The following DNAH8 variants were observed in gnomAD, a reference collection of about 807,000 sequenced individuals.
DNAH8 encodes axonemal beta dynein heavy chain 8.
Under a neutral mutation model 562.1 loss-of-function variants are expected in DNAH8, and 382 were observed. That is an observed-to-expected ratio of 0.68 (90% CI 0.63 to 0.74). The LOEUF (loss-of-function observed/expected upper bound fraction) is 0.74, where lower values mean the gene tolerates loss of function less well. Ranked by LOEUF, DNAH8 falls within the 30% of genes least tolerant of loss-of-function variation. The probability of loss-of-function intolerance (pLI) is 0.00; values close to 1 mark genes in which losing one functional copy is unlikely to be tolerated. For missense variants in DNAH8, 5,203 were observed against 5,620.4 expected (o/e 0.93, Z 2.37); for synonymous variants, 1,881 against 1,919.4 (o/e 0.98, Z 0.52).
At chr6:38,855,104 A>G (rs1439939934) in intron 41 of DNAH8, among the ~76,000 whole-genome samples, 1 of 151,302 alleles carries the variant, frequency 6.6e-6, no homozygotes, top group Non-Finnish European at 1.5e-5. Flanking sequence ...TTTTTAAGGC[A>G]TTTTTTCAAA....
At chr6:38,872,323 C>A (rs1346722718) in intron 49 of DNAH8, among the ~76,000 whole-genome samples, 1 of 152,134 alleles carries the variant, frequency 6.6e-6, no homozygotes, top group Non-Finnish European at 1.5e-5. Context: ...AATTCAAGCT[C>A]CACATTGTTA....
At position 38,791,656 on chromosome 6, in the gene DNAH8, T is replaced by C. The variant is rs771068748; in HGVS notation, c.2883T>C (p.Asp961=). 1 of 1,613,850 alleles carries C rather than the reference T, an allele frequency of 6.2e-7. No individual in the cohort carries two copies. The highest frequency in any genetic ancestry group is 8.5e-7 in the Non-Finnish European group (1 of 1,179,916). Residue 961 remains aspartate (D), a synonymous_variant, in exon 21 of 93, where the codon GAT becomes GAC. Transcript: ENST00000327475. ...AAAGTGGTGCTACCAAAGTAGAAGATATGTTGACCCTCAATGAGGTATGCA... is the reference window on the plus strand; with the variant it reads ...AAAGTGGTGCTACCAAAGTAGAAGACATGTTGACCCTCAATGAGGTATGCA... ...LPESGATKVE[D]MLTLNETYTK...
intron 85 of DNAH8, among the ~76,000 whole-genome samples, chr6:38,977,184 T>C (rs1763732964): frequency 6.6e-6 from 1 of 152,154 alleles, no homozygotes; most frequent in Admixed American, 6.5e-5. Context: ...CGTGGTTTGC[T>C]TTATTCTTGA....
At chr6:38,850,138 C>G in intron 37 of DNAH8, 113 bp from the exon 38 acceptor site, 1 of 968,204 alleles carries the variant, frequency 1.0e-6, no homozygotes, top group Non-Finnish European at 1.5e-6. Flanking sequence ...AATTATGCAG[C>G]CTGAGACTAA....
At chr6:38,887,077 G>A in intron 57 of DNAH8, 73 bp downstream of exon 57, 1 of 1,109,122 alleles carries the variant, frequency 9.0e-7, no homozygotes, top group Admixed American at 2.0e-5. Context: ...TCATTTAAGA[G>A]ACAAAAAGGC....
Position 38,778,295 on chromosome 6 carries a change from A to G in DNAH8, c.1963-93A>G, listed in dbSNP as rs114791864. 613 of 660,008 alleles carry G rather than the reference A, an allele frequency of 9.3e-4. 2 individuals are homozygous for G. The African/African-American group carries it at 9.4e-3, about 10-fold the overall frequency. 40.9% of individuals were successfully genotyped at this position (660,008 alleles called of 1,614,324 possible). ...GTAGATGTGTTTGAGGCTTGAGGCT[A>G]TCTTAATTCTGTAGGAAAAGCATTA... On this transcript the variant is annotated intron_variant, in intron 13 of 92. Transcript: ENST00000327475.
chr6:38,719,574 G>T (rs1762593039), intron 1 of DNAH8, among the ~76,000 whole-genome samples: 1 of 152,020 alleles, frequency 6.6e-6, no homozygotes, highest in African/African-American at 2.4e-5. Flanking sequence ...TTTTTTTATG[G>T]CTGCATAGTA....
chr6:38,808,752 A>G (rs1010342152), intron 24 of DNAH8, among the ~76,000 whole-genome samples: 10 of 152,242 alleles, frequency 6.6e-5, no homozygotes, highest in Non-Finnish European at 1.3e-4. Flanking sequence ...GTGGAATACT[A>G]TGCAGCCATA....
rs1393297606 is a variant in DNAH8 at position 38,926,863 on chromosome 6, A to G, written c.11118+653A>G. Among the ~76,000 whole-genome samples, 4 of 152,196 alleles carry G rather than the reference A, an allele frequency of 2.6e-5. No individual in the cohort carries two copies. The South Asian group carries it at 6.2e-4, about 24-fold the overall frequency. On this transcript the variant is annotated intron_variant, in intron 74 of 92. Transcript: ENST00000327475. ...AAATCTCAGATATTCTTCAAAGTCCACATCCACCACTACCTCCATCAAGAC... is the reference window on the plus strand; with the variant it reads ...AAATCTCAGATATTCTTCAAAGTCCGCATCCACCACTACCTCCATCAAGAC...
Position 38,989,991 on chromosome 6 carries a change from T to C in DNAH8, c.13054-21T>C, listed in dbSNP as rs539060795. Reference sequence around the variant, plus strand: ...TTAGATGCTCATCAATTTTATTTCTTTTGTTTTCTCTCACATACAGGTCTG... The same window carrying C: ...TTAGATGCTCATCAATTTTATTTCTCTTGTTTTCTCTCACATACAGGTCTG... On this transcript the variant is annotated intron_variant, in intron 87 of 92. Transcript: ENST00000327475. 3.5e-5 allele frequency: 52 copies of C among 1,473,846 alleles called. 1 individual carries two copies. The South Asian group carries it at 5.6e-4, about 16-fold the overall frequency. 91.3% of individuals were successfully genotyped at this position (1,473,846 alleles called of 1,614,324 possible). A position where few individuals can be genotyped will look rare whatever the true frequency, so the allele number is the denominator to read the frequency against.
chr6:38,826,333 C>G lies in DNAH8; in HGVS notation c.4025C>G (p.Ala1342Gly), dbSNP rs149583150. Residue 1342 changes from alanine to glycine, a missense_variant, in exon 29 of 93, where the codon GCC becomes GGC. By Grantham distance (60) the Ala-to-Gly change is moderately conservative (BLOSUM62 0). Transcript: ENST00000327475. ...GATGATGTCAGATTTGCAATGGAAG[C>G]CTTGTCTTGCATACGTGATAATGAA... ...DLDDVRFAME[A>G]LSCIRDNEIQ... is the part of the protein sequence containing the mutation. 6.2e-6 allele frequency: 10 copies of G among 1,613,282 alleles called. No individual in the cohort carries two copies. Among genetic ancestry groups the G allele is most frequent in the Non-Finnish European group, 8.5e-6 (10 of 1,179,570 alleles).
At chr6:38,891,077 G>A (rs1779312402) in intron 58 of DNAH8, among the ~76,000 whole-genome samples, 1 of 152,160 alleles carries the variant, frequency 6.6e-6, no homozygotes, top group Non-Finnish European at 1.5e-5. Flanking sequence ...TGTATTATCT[G>A]TCTCCTTCTA....
At chr6:38,955,440 G>C (rs908336441) in intron 82 of DNAH8, among the ~76,000 whole-genome samples, 7 of 152,006 alleles carry the variant, frequency 4.6e-5, no homozygotes, top group African/African-American at 1.7e-4. Context: ...AGGTCAGCCT[G>C]ACCAACATGG....
intron 60 of DNAH8, among the ~76,000 whole-genome samples, chr6:38,896,449 G>A (rs1303165740): frequency 6.6e-6 from 1 of 151,926 alleles, no homozygotes; most frequent in Non-Finnish European, 1.5e-5. Context: ...GTGGCATGCT[G>A]CTGTACTCCC....
chr6:38,734,881 T>G (rs992084708), intron 5 of DNAH8, among the ~76,000 whole-genome samples: 2 of 152,228 alleles, frequency 1.3e-5, no homozygotes, highest in Non-Finnish European at 2.9e-5. Context: ...TTTAATTTTG[T>G]TGATGCAAAG....
intron 65 of DNAH8, among the ~76,000 whole-genome samples, chr6:38,910,202 A>G (rs762851808): frequency 4.6e-5 from 7 of 152,238 alleles, no homozygotes; most frequent in Non-Finnish European, 8.8e-5. Flanking sequence ...TCTATGCCAG[A>G]CAACTATGAA....
Position 38,734,561 on chromosome 6 carries a change from G to A in DNAH8, c.698G>A (p.Gly233Glu). 1 of 1,613,808 alleles carries A rather than the reference G, an allele frequency of 6.2e-7. No individual in the cohort carries two copies. The highest frequency in any genetic ancestry group is 8.5e-7 in the Non-Finnish European group (1 of 1,179,958). The change falls in exon 5 of 93, where the codon GGA becomes GAA. Residue 233 changes from glycine (G) to glutamate (E), a missense_variant. Gly to Glu is a moderately conservative substitution (Grantham distance 98). Coordinates refer to ENST00000327475, the MANE Select transcript of DNAH8 (RefSeq NM_001206927.2). ...AATGCAGCCCCGGATAAACTAAAAGGACTGTGCATATTTTTTGTTCGTTGC... is the reference window on the plus strand; with the variant it reads ...AATGCAGCCCCGGATAAACTAAAAGAACTGTGCATATTTTTTGTTCGTTGC... ...IDNAAPDKLK[G>E]LCIFFVRCRN...
rs186981502 is a variant in DNAH8, at chr6:38,757,646, T to A, written c.1515+1567T>A. Among the ~76,000 whole-genome samples, 586 of 152,362 alleles carry A rather than the reference T, an allele frequency of 3.8e-3. 8 individuals carry two copies. Among genetic ancestry groups the A allele is most frequent in the African/African-American group, 0.014 (567 of 41,584 alleles). ...CCTAGGTTTTCTTCTAGGGTTTTTA[T>A]GGTTTTAGGTCTAACATTTAAGTCT... is the stretch of plus-strand genomic sequence containing the variant. On this transcript the variant is annotated intron_variant, in intron 10 of 92. Coordinates refer to ENST00000327475, the MANE Select transcript of DNAH8 (RefSeq NM_001206927.2).
intron 42 of DNAH8, among the ~76,000 whole-genome samples, chr6:38,858,863 C>G (rs1303775739): frequency 6.6e-6 from 1 of 152,282 alleles, no homozygotes; most frequent in African/African-American, 2.4e-5. Flanking sequence ...TATCTGCTGT[C>G]AGCATACGTT....
Sources: gnomAD v4.1 joint callset for allele counts (sites outside exome capture counted in the v4.1 genomes callset) on GRCh38, gnomAD v4.1.1 for gene constraint, MANE v1.5 for transcripts, NCBI Gene and HGNC (gene_info 2026-07-23, HGNC 2026-07-21) for gene names.